Variants in PTPRD observed in about 807,000 individuals in gnomAD.
PTPRD encodes the protein receptor-type tyrosine-protein phosphatase delta.
A neutral mutation model predicts 214.5 loss-of-function variants in PTPRD; 34 were observed. The observed-to-expected ratio is 0.16, with a 90% CI of 0.12 to 0.21. The LOEUF (loss-of-function observed/expected upper bound fraction) is 0.21, where lower values mean the gene tolerates loss of function less well. Among genes scored for constraint, PTPRD ranks in the 10% least tolerant of loss-of-function variants. The pLI, the probability that PTPRD is intolerant of heterozygous loss-of-function variation, is 1.00. For missense variants in PTPRD, 2,545 were observed against 2,398.7 expected, an observed-to-expected ratio of 1.06 and a Z score of -1.27; for synonymous variants, 1,128 against 845.7, an observed-to-expected ratio of 1.33 and a Z score of -5.79.
chr9:10,406,523 C>T (rs1159340674), intron 2 of PTPRD, among the ~76,000 whole-genome samples: 1 of 151,434 alleles, frequency 6.6e-6, no homozygotes, highest in Non-Finnish European at 1.5e-5. Context: ...CATCCATACC[C>T]CACAGAGCAA....
intron 2 of PTPRD, among the ~76,000 whole-genome samples, chr9:10,482,164 G>A (rs1289314240): frequency 1.3e-5 from 2 of 152,106 alleles, no homozygotes; most frequent in Non-Finnish European, 2.9e-5. Context: ...GAGGTCAGGA[G>A]ATTGAGACCA....
At chr9:9,777,007 G>A (rs1327442391) in intron 5 of PTPRD, among the ~76,000 whole-genome samples, 1 of 152,212 alleles carries the variant, frequency 6.6e-6, no homozygotes, top group Non-Finnish European at 1.5e-5. Flanking sequence ...GAACATCCAT[G>A]TGAGGACAGT....
chr9:9,904,507 G>T (rs1486237166), intron 5 of PTPRD, among the ~76,000 whole-genome samples: 1 of 151,988 alleles, frequency 6.6e-6, no homozygotes, highest in Non-Finnish European at 1.5e-5. Flanking sequence ...CAAAGGGTAA[G>T]ATCACAAACC....
chr9:8,714,769 C>G (rs1485822411), intron 12 of PTPRD, among the ~76,000 whole-genome samples: 6 of 152,102 alleles, frequency 3.9e-5, no homozygotes, highest in East Asian at 1.9e-4. Flanking sequence ...CTACCCACCC[C>G]CATCATGCAC....
chr9:10,353,600 A>G (rs980087305), intron 2 of PTPRD, among the ~76,000 whole-genome samples: 5 of 152,022 alleles, frequency 3.3e-5, no homozygotes, highest in African/African-American at 9.6e-5. Context: ...CAAGTTTTTA[A>G]TATAGAGTCT....
At chr9:10,031,647 T>TACACACAC (rs1555494944) in intron 4 of PTPRD, among the ~76,000 whole-genome samples, 3 of 89,640 alleles carry the variant, frequency 3.3e-5, no homozygotes, top group South Asian at 3.4e-4. Context: ...TATATATATA[T>TACACACAC]ACACACACAC....
At chr9:10,213,681 C>T (rs1440710265) in intron 3 of PTPRD, among the ~76,000 whole-genome samples, 4 of 152,050 alleles carry the variant, frequency 2.6e-5, no homozygotes, top group Non-Finnish European at 5.9e-5. Context: ...ATGTTTATTT[C>T]CCCTTATTTT....
intron 3 of PTPRD, among the ~76,000 whole-genome samples, chr9:10,259,651 T>C (rs560637526): frequency 4.5e-4 from 69 of 152,306 alleles, no homozygotes; most frequent in African/African-American, 1.6e-3. Context: ...CTTTAAACTG[T>C]CATCATTTTG....
intron 14 of PTPRD, among the ~76,000 whole-genome samples, chr9:8,628,614 CA>C (rs57311712): frequency 0.13 from 13,173 of 101,034 alleles, 632 homozygotes; most frequent in Middle Eastern, 0.25. Context: ...CATATCAGGC[CA>C]AAAAAAAAAA....
At chr9:8,646,789 G>A (rs2096703739) in intron 12 of PTPRD, among the ~76,000 whole-genome samples, 1 of 151,982 alleles carries the variant, frequency 6.6e-6, no homozygotes, top group African/African-American at 2.4e-5. Flanking sequence ...ACATGCCCCT[G>A]GTCATCTATG....
chr9:9,691,451 G>C (rs994807994), intron 7 of PTPRD, among the ~76,000 whole-genome samples: 1 of 151,954 alleles, frequency 6.6e-6, no homozygotes, highest in African/African-American at 2.4e-5. Flanking sequence ...CCATGTTGTT[G>C]CAAATGACAG....
At chr9:9,679,978 G>C (rs1638536987) in intron 7 of PTPRD, among the ~76,000 whole-genome samples, 1 of 151,762 alleles carries the variant, frequency 6.6e-6, no homozygotes, top group African/African-American at 2.4e-5. Context: ...TACTTCTCTT[G>C]CTTTTGAATA....
At chr9:8,936,783 G>A (rs1178292095) in intron 11 of PTPRD, among the ~76,000 whole-genome samples, 1 of 152,074 alleles carries the variant, frequency 6.6e-6, no homozygotes, top group Non-Finnish European at 1.5e-5. Flanking sequence ...TAAATGTATT[G>A]CTAGATATTG....
intron 11 of PTPRD, among the ~76,000 whole-genome samples, chr9:8,886,418 T>C (rs886587054): frequency 2.0e-5 from 3 of 152,218 alleles, no homozygotes; most frequent in Admixed American, 6.5e-5. Context: ...ATGGTTATTA[T>C]GTTCCAGGAC....
At chr9:8,539,707 A>T (rs1283159174) in intron 14 of PTPRD, among the ~76,000 whole-genome samples, 1 of 152,030 alleles carries the variant, frequency 6.6e-6, no homozygotes, top group Non-Finnish European at 1.5e-5. Flanking sequence ...AGTAAACATC[A>T]GCAAAACCCC....
chr9:9,908,485 T>C (rs1039497637), intron 5 of PTPRD, among the ~76,000 whole-genome samples: 1 of 151,998 alleles, frequency 6.6e-6, no homozygotes, highest in Non-Finnish European at 1.5e-5. Flanking sequence ...GAATTGTACT[T>C]GTTGAGCATC....
chr9:9,344,329 G>A (rs2047995666), intron 9 of PTPRD, among the ~76,000 whole-genome samples: 1 of 151,726 alleles, frequency 6.6e-6, no homozygotes, highest in Admixed American at 6.6e-5. Context: ...CCTGTCGGGG[G>A]TTTGGGGGGA....
intron 7 of PTPRD, among the ~76,000 whole-genome samples, chr9:9,679,035 A>G (rs1332761487): frequency 6.6e-6 from 1 of 151,680 alleles, no homozygotes; most frequent in Admixed American, 6.6e-5. Context: ...CATACAATAT[A>G]TAGAAATTGT....
intron 8 of PTPRD, among the ~76,000 whole-genome samples, chr9:9,503,268 C>T (rs1309507265): frequency 1.5e-5 from 2 of 133,594 alleles, no homozygotes; most frequent in Non-Finnish European, 3.1e-5. Flanking sequence ...AGTTCTGGTA[C>T]CTATACCAAA....
Sources: allele counts gnomAD v4.1 joint callset (sites outside exome capture counted in the v4.1 genomes callset), GRCh38; gene constraint gnomAD v4.1.1; transcripts MANE v1.5; gene names NCBI Gene and HGNC (gene_info 2026-07-23, HGNC 2026-07-21).